Variants in KCNJ3 observed in about 807,000 individuals in gnomAD.
KCNJ3 encodes G protein-activated inward rectifier potassium channel 1.
In KCNJ3, 4 loss-of-function variants were observed where a neutral mutation model predicts 39.2. That is an observed-to-expected ratio of 0.10 (90% CI 0.05 to 0.23). KCNJ3 has a LOEUF of 0.23. Ranked by LOEUF, KCNJ3 falls within the 10% of genes least tolerant of loss-of-function variation. The probability of loss-of-function intolerance (pLI) is 1.00; values close to 1 mark genes in which losing one functional copy is unlikely to be tolerated. For missense variants in KCNJ3, 276 were observed against 634.9 expected (o/e 0.43, Z 6.08); for synonymous variants, 230 against 237.4 (o/e 0.97, Z 0.29).
intron 2 of KCNJ3, among the ~76,000 whole-genome samples, chr2:154,727,502 G>T (rs1039012105): frequency 1.0e-4 from 15 of 145,560 alleles, no homozygotes; most frequent in African/African-American, 3.9e-4. Flanking sequence ...TGAGGCAGCA[G>T]AATCACTTGA....
intron 2 of KCNJ3, among the ~76,000 whole-genome samples, chr2:154,726,710 A>G (rs1685362649): frequency 6.6e-6 from 1 of 151,554 alleles, no homozygotes; most frequent in Non-Finnish European, 1.5e-5. Flanking sequence ...ATATGGAACT[A>G]GCCCAAATGA....
chr2:154,849,465 C>A (rs2105138030), intron 2 of KCNJ3, among the ~76,000 whole-genome samples: 1 of 152,182 alleles, frequency 6.6e-6, no homozygotes, highest in Non-Finnish European at 1.5e-5. Flanking sequence ...TTCTCTCTAT[C>A]CCTCTATCTT....
intron 2 of KCNJ3, among the ~76,000 whole-genome samples, chr2:154,808,387 G>A (rs984818894): frequency 6.6e-6 from 1 of 151,996 alleles, no homozygotes; most frequent in African/African-American, 2.4e-5. Flanking sequence ...GGCGGGATAA[G>A]GGCATTTAAA....
chr2:154,778,686 TTAA>T, intron 2 of KCNJ3, among the ~76,000 whole-genome samples: 1 of 152,258 alleles, frequency 6.6e-6, no homozygotes, highest in South Asian at 2.1e-4. Context: ...ATTGATGTAT[TTAA>T]TAATCATTAT....
At chr2:154,805,648 A>G (rs1686897360) in intron 2 of KCNJ3, among the ~76,000 whole-genome samples, 1 of 152,166 alleles carries the variant, frequency 6.6e-6, no homozygotes, top group Non-Finnish European at 1.5e-5. Flanking sequence ...TAAATATTGA[A>G]TCAGCTCTCT....
intron 2 of KCNJ3, among the ~76,000 whole-genome samples, chr2:154,819,124 A>G (rs187104932): frequency 2.0e-5 from 3 of 151,802 alleles, no homozygotes; most frequent in African/African-American, 7.2e-5. Flanking sequence ...TAGTGAAACC[A>G]TGTCTTTGAA....
chr2:154,752,743 A>C (rs552284536), intron 2 of KCNJ3, among the ~76,000 whole-genome samples: 39 of 152,158 alleles, frequency 2.6e-4, no homozygotes, highest in Middle Eastern at 3.4e-3. Flanking sequence ...GGGGACAATA[A>C]TTGTGCCAGT....
chr2:154,755,780 G>A (rs1685926862), intron 2 of KCNJ3, among the ~76,000 whole-genome samples: 1 of 151,940 alleles, frequency 6.6e-6, no homozygotes, highest in Admixed American at 6.6e-5. Context: ...TGTAGAAAAT[G>A]TAACAAATAA....
At chr2:154,703,595 A>G (rs1202801078) in intron 1 of KCNJ3, among the ~76,000 whole-genome samples, 1 of 151,980 alleles carries the variant, frequency 6.6e-6, no homozygotes, top group East Asian at 1.9e-4. Flanking sequence ...GATGCAATAA[A>G]AAAATGGTGG....
intron 2 of KCNJ3, among the ~76,000 whole-genome samples, chr2:154,804,856 A>G (rs553224126): frequency 6.6e-6 from 1 of 152,308 alleles, no homozygotes; most frequent in Admixed American, 6.5e-5. Context: ...AAACAAAAAT[A>G]GTCTACAGTA....
intron 2 of KCNJ3, among the ~76,000 whole-genome samples, chr2:154,788,126 A>G (rs1686566422): frequency 6.6e-6 from 1 of 152,136 alleles, no homozygotes; most frequent in African/African-American, 2.4e-5. Context: ...GTAAGCAATA[A>G]TTAAGATACA....
chr2:154,831,119 A>G (rs1422298497), intron 2 of KCNJ3, among the ~76,000 whole-genome samples: 1 of 152,066 alleles, frequency 6.6e-6, no homozygotes, highest in East Asian at 1.9e-4. Context: ...CTCATCAGAT[A>G]TTTTCTCCAA....
At chr2:154,744,187 A>G (rs1201795080) in intron 2 of KCNJ3, among the ~76,000 whole-genome samples, 2 of 151,748 alleles carry the variant, frequency 1.3e-5, no homozygotes, top group Non-Finnish European at 3.0e-5. Flanking sequence ...TGGAATAATA[A>G]ACCCTACTTG....
chr2:154,831,447 A>C (rs1574478643), intron 2 of KCNJ3, among the ~76,000 whole-genome samples: 1 of 152,084 alleles, frequency 6.6e-6, no homozygotes, highest in East Asian at 1.9e-4. Flanking sequence ...AAAGAGAAGA[A>C]GGGCGATTAT....
chr2:154,719,959 C>T (rs1486032773), intron 2 of KCNJ3, among the ~76,000 whole-genome samples: 2 of 152,012 alleles, frequency 1.3e-5, no homozygotes, highest in African/African-American at 4.8e-5. Flanking sequence ...CAGGCTCTGT[C>T]TGAAAAAGAA....
chr2:154,731,822 T>C (rs1213314400), intron 2 of KCNJ3, among the ~76,000 whole-genome samples: 1 of 152,024 alleles, frequency 6.6e-6, no homozygotes, highest in Non-Finnish European at 1.5e-5. Flanking sequence ...CCATGCATTC[T>C]TAGATAAAAA....
chr2:154,778,760 G>C (rs1367133873), intron 2 of KCNJ3, among the ~76,000 whole-genome samples: 1 of 152,006 alleles, frequency 6.6e-6, no homozygotes, highest in Non-Finnish European at 1.5e-5. Flanking sequence ...AGTTGAGATT[G>C]GGAATAATTC....
At chr2:154,854,577 A>C in intron 2 of KCNJ3, 150 bp from the exon 3 acceptor site, 1 of 563,490 alleles carries the variant, frequency 1.8e-6, no homozygotes. Context: ...ATTAACTTAG[A>C]GTACAACTTT....
chr2:154,785,392 T>C (rs541411689), intron 2 of KCNJ3, among the ~76,000 whole-genome samples: 1 of 152,320 alleles, frequency 6.6e-6, no homozygotes, highest in East Asian at 1.9e-4. Flanking sequence ...TCTGTGCACA[T>C]GTGCTATGGT....
Sources: allele counts gnomAD v4.1 joint callset (sites outside exome capture counted in the v4.1 genomes callset), GRCh38; gene constraint gnomAD v4.1.1; transcripts MANE v1.5; gene names NCBI Gene and HGNC (gene_info 2026-07-23, HGNC 2026-07-21).